Variants in IQCK observed in about 807,000 individuals in gnomAD.
IQCK encodes IQ domain-containing protein K.
IQCK carries 29 observed loss-of-function variants against 28.1 expected under a neutral mutation model. The ratio of observed to expected loss-of-function variants is 1.03; its 90% CI spans 0.77 to 1.41. The LOEUF is 1.41. Ranked by LOEUF, IQCK falls within the 40% of genes most tolerant of loss-of-function variation. IQCK has a pLI of 0.00. For missense variants in IQCK, 359 were observed against 314.7 expected, an observed-to-expected ratio of 1.14 and a Z score of -1.07; for synonymous variants, 113 against 115.1, an observed-to-expected ratio of 0.98 and a Z score of 0.12.
chr16:19,738,273 C>A (rs1212695923), intron 4 of IQCK, among the ~76,000 whole-genome samples: 1 of 152,172 alleles, frequency 6.6e-6, no homozygotes, highest in Admixed American at 6.5e-5. Flanking sequence ...ACCCAGCTTC[C>A]TTCTATCTGG....
chr16:19,758,688 A>G (rs2055088689), intron 4 of IQCK, among the ~76,000 whole-genome samples: 1 of 152,224 alleles, frequency 6.6e-6, no homozygotes, highest in Admixed American at 6.5e-5. Context: ...CTATTCTTGC[A>G]GGGCAGATTA....
chr16:19,818,060 G>A (rs550127393), intron 7 of IQCK, among the ~76,000 whole-genome samples: 1 of 152,290 alleles, frequency 6.6e-6, no homozygotes, highest in African/African-American at 2.4e-5. Context: ...ACACGAGCCT[G>A]TGGGAAAGTT....
At chr16:19,723,581 C>G (rs1977563893) in intron 1 of IQCK, among the ~76,000 whole-genome samples, 1 of 152,092 alleles carries the variant, frequency 6.6e-6, no homozygotes, top group Admixed American at 6.6e-5. Flanking sequence ...CAAGTTCAAA[C>G]CCCTGAAGAA....
chr16:19,745,354 A>T (rs1464541069), intron 4 of IQCK, among the ~76,000 whole-genome samples: 1 of 152,178 alleles, frequency 6.6e-6, no homozygotes, highest in Non-Finnish European at 1.5e-5. Flanking sequence ...CAGTACTGCC[A>T]AATTCTGTGA....
At chr16:19,829,295 G>A (rs778244499), downstream of IQCK, among the ~76,000 whole-genome samples, 1 of 150,692 alleles carries the variant, frequency 6.6e-6, no homozygotes, top group African/African-American at 2.4e-5. Flanking sequence ...CTCTTACAAT[G>A]TGCCAATGCC....
In IQCK at chr16:19,825,971, T is replaced by C. The variant is rs1748611494; in HGVS notation, c.691-1055T>C. ...TTGTAAGTGCAAAAACACACAGTGT[T>C]GAAGACTTAGCATGTAAAACAGAAA... On this transcript the variant is annotated intron_variant, in intron 7 of 7. Transcript: ENST00000564186. This position sits in a 1 kb window ranked among gnomAD's most constrained non-coding sequence, Gnocchi z 4.2. Among the ~76,000 whole-genome samples the C allele has an allele frequency of 6.6e-6, 1 of 152,206 alleles. No homozygotes were observed. The highest frequency in any genetic ancestry group is 6.5e-5 in the Admixed American group (1 of 15,268).
At chr16:19,837,005 T>G (rs988145588) in intron 9 of IQCK, among the ~76,000 whole-genome samples, 2 of 152,178 alleles carry the variant, frequency 1.3e-5, no homozygotes, top group Non-Finnish European at 2.9e-5. Flanking sequence ...TTTGTGAGGA[T>G]TAAATGAACT....
chr16:19,773,992 G>A (rs1019304325), intron 6 of IQCK, among the ~76,000 whole-genome samples: 5 of 152,190 alleles, frequency 3.3e-5, no homozygotes, highest in African/African-American at 1.2e-4. Flanking sequence ...CAAAGTCATG[G>A]TATTGCGGGG....
chr16:19,761,388 G>A, intron 4 of IQCK: 1 of 455,864 alleles, frequency 2.2e-6, no homozygotes, highest in Non-Finnish European at 4.4e-6. Flanking sequence ...CAGGAGCCTG[G>A]TTTATGTGAA....
At chr16:19,726,863 C>G (rs1977671754) in intron 1 of IQCK, among the ~76,000 whole-genome samples, 1 of 152,040 alleles carries the variant, frequency 6.6e-6, no homozygotes, top group African/African-American at 2.4e-5. Context: ...GCCGGGCATG[C>G]TGGCTGAAGC....
chr16:19,733,156 A>T (rs1243312002), intron 2 of IQCK, among the ~76,000 whole-genome samples: 3 of 147,336 alleles, frequency 2.0e-5, no homozygotes, highest in Non-Finnish European at 3.0e-5. Context: ...TTTTTTTTTG[A>T]GATGGAGTTT....
intron 9 of IQCK, among the ~76,000 whole-genome samples, chr16:19,832,268 T>A (rs931933400): frequency 6.6e-6 from 1 of 152,050 alleles, no homozygotes; most frequent in African/African-American, 2.4e-5. Flanking sequence ...ATACATCATA[T>A]ATATCATCAG....
chr16:19,805,894 C>T (rs1327404175), intron 7 of IQCK, among the ~76,000 whole-genome samples: 1 of 151,688 alleles, frequency 6.6e-6, no homozygotes, highest in East Asian at 1.9e-4. Flanking sequence ...ATGGGTGCTG[C>T]TGATTGGTTG....
In IQCK at chr16:19,825,429, A is replaced by T. The variant is rs775502336; in HGVS notation, c.691-1597A>T. 6.6e-6 allele frequency among the ~76,000 whole-genome samples: 1 copy of T among 152,156 alleles called. No homozygotes were observed. Among genetic ancestry groups the T allele is most frequent in the South Asian group, 2.1e-4 (1 of 4,834 alleles). On this transcript the variant is annotated intron_variant, in intron 7 of 7. Coordinates refer to ENST00000564186, the Ensembl canonical transcript of IQCK. The surrounding 1 kb of genome is among the most constrained non-coding windows in gnomAD (Gnocchi z 4.2). ...CAGCTACTTGGGAGGCTGAGGCAGG[A>T]GAATTGCTTGAACCCGGGAAGTGGA...
intron 3 of IQCK, 111 bp from the exon 4 acceptor site, chr16:19,735,242 T>A (rs926181119): frequency 1.4e-6 from 1 of 734,328 alleles, no homozygotes. Flanking sequence ...ACATCTAAGA[T>A]CATGTGATTG....
At chr16:19,839,018 C>CA (rs71146274) in intron 9 of IQCK, among the ~76,000 whole-genome samples, 1,803 of 41,694 alleles carry the variant, frequency 0.043, 23 homozygotes, top group Non-Finnish European at 0.055. Flanking sequence ...GACTCCATAG[C>CA]AAAAAAAAAA....
chr16:19,723,018 C>T (rs1977543893), intron 1 of IQCK, among the ~76,000 whole-genome samples: 1 of 152,090 alleles, frequency 6.6e-6, no homozygotes, highest in Non-Finnish European at 1.5e-5. Flanking sequence ...GGCCTGCTTC[C>T]CTTTCACTTT....
intron 6 of IQCK, among the ~76,000 whole-genome samples, chr16:19,783,459 G>A (rs2151728635): frequency 6.6e-6 from 1 of 152,268 alleles, no homozygotes; most frequent in Non-Finnish European, 1.5e-5. Flanking sequence ...GGGGATGTCT[G>A]ATTTAAGCAC....
In IQCK at chr16:19,733,829, T is replaced by G. The variant is rs1484007693; in HGVS notation, c.376+2T>G. On this transcript the variant is annotated splice_donor_variant, in intron 3 of 7. Transcript: ENST00000564186. LOFTEE classifies it high-confidence loss of function. ...CGGAAACAATCAACCCAAAAACATG[T>G]GAGTAAGAGAGATGCCATCTTTTAT... 6.2e-7 allele frequency: 1 copy of G among 1,613,720 alleles called. No homozygotes were observed. The highest frequency in any genetic ancestry group is 1.7e-5 in the Admixed American group (1 of 59,964).
Sources: allele counts gnomAD v4.1 joint callset (sites outside exome capture counted in the v4.1 genomes callset), GRCh38; gene constraint gnomAD v4.1.1; non-coding constraint Gnocchi (gnomAD v3.1); transcripts MANE v1.5; gene names NCBI Gene and HGNC (gene_info 2026-07-23, HGNC 2026-07-21).